The following PCDHA7 variants were observed in gnomAD, a reference collection of about 807,000 sequenced individuals.
PCDHA7 encodes protocadherin alpha 7.
In PCDHA7, 37 loss-of-function variants were observed where a neutral mutation model predicts 57.2. The ratio of observed to expected loss-of-function variants is 0.65; its 90% CI spans 0.50 to 0.85. The LOEUF is 0.85. PCDHA7 is among the 40% of genes least tolerant of loss of function. The pLI, the probability that PCDHA7 is intolerant of heterozygous loss-of-function variation, is 0.00. For missense variants in PCDHA7, 1,188 were observed against 1,241.8 expected, an observed-to-expected ratio of 0.96 and a Z score of 0.65; for synonymous variants, 553 against 558.8, an observed-to-expected ratio of 0.99 and a Z score of 0.15.
chr5:140,973,923 C>T (rs1157032594), intron 1 of PCDHA7, among the ~76,000 whole-genome samples: 1 of 152,170 alleles, frequency 6.6e-6, no homozygotes, highest in African/African-American at 2.4e-5. Flanking sequence ...TCACCAAACC[C>T]AGAGGTTTAG....
intron 1 of PCDHA7, chr5:140,858,764 G>A: frequency 4.4e-6 from 2 of 451,976 alleles, no homozygotes; most frequent in South Asian, 5.7e-5. Context: ...ACAAATATTT[G>A]TGAGATTAGT....
chr5:140,997,087 T>C (rs1218654416), intron 3 of PCDHA7, among the ~76,000 whole-genome samples: 4 of 152,156 alleles, frequency 2.6e-5, no homozygotes, highest in Non-Finnish European at 5.9e-5. Flanking sequence ...GAGTAGAAAG[T>C]GCAGAGTTCT....
intron 1 of PCDHA7, chr5:140,877,875 C>A: frequency 6.8e-7 from 1 of 1,475,090 alleles, no homozygotes; most frequent in Non-Finnish European, 9.0e-7. Context: ...TATTTGTTTC[C>A]TTGAAGAACT....
At chr5:140,870,543 C>T (rs1554164396) in intron 1 of PCDHA7, 6 of 1,614,114 alleles carry the variant, frequency 3.7e-6, no homozygotes, top group South Asian at 1.1e-5. Context: ...CGGCGCGGGA[C>T]GCGGACGCGC....
At chr5:140,927,059 G>T (rs2153586396) in intron 1 of PCDHA7, 1 of 1,611,324 alleles carries the variant, frequency 6.2e-7, no homozygotes, top group Middle Eastern at 1.7e-4. Flanking sequence ...CGGAACTTTC[G>T]CTTCCTTTCC....
rs139863676 is a variant in PCDHA7, at chr5:140,843,172, C to T, written c.2355+6434C>T. ...ATGAGCTGCAGCCAGCTGCAAGCAG[C>T]CCTCGCATCCCGTTCCGCGTGGGGC... On this transcript the variant is annotated intron_variant, in intron 1 of 3. Transcript: ENST00000525929. 15,808 of 1,596,034 alleles carry T rather than the reference C, an allele frequency of 9.9e-3. 1,621 individuals are homozygous for T. Among genetic ancestry groups the T allele is most frequent in the Non-Finnish European group, 0.012 (14,321 of 1,165,582 alleles).
At chr5:140,883,333 G>T (rs1554177722) in intron 1 of PCDHA7, 1 of 1,614,066 alleles carries the variant, frequency 6.2e-7, no homozygotes, top group Non-Finnish European at 8.5e-7. Flanking sequence ...TCACTTCTTT[G>T]TCACTCCCCA....
intron 1 of PCDHA7, among the ~76,000 whole-genome samples, chr5:140,955,351 A>G (rs246019): frequency 0.56 from 85,599 of 151,868 alleles, 24,746 homozygotes; most frequent in African/African-American, 0.69. Flanking sequence ...ACATGTTGTG[A>G]GAGGGACCCA....
At chr5:140,837,441 C>T (rs1199592642) in intron 1 of PCDHA7, among the ~76,000 whole-genome samples, 4 of 151,714 alleles carry the variant, frequency 2.6e-5, no homozygotes, top group Admixed American at 6.6e-5. Flanking sequence ...AAATCTAGTA[C>T]GTAGTAAAAA....
At chr5:140,836,835 C>T (rs1774769816) in intron 1 of PCDHA7, 97 bp downstream of exon 1, 2 of 878,888 alleles carry the variant, frequency 2.3e-6, no homozygotes, top group Non-Finnish European at 1.7e-6. Flanking sequence ...TAGTTGATAG[C>T]TTTATGTATA....
intron 1 of PCDHA7, among the ~76,000 whole-genome samples, chr5:140,919,265 T>A (rs534045587): frequency 4.3e-4 from 66 of 152,394 alleles, no homozygotes. Flanking sequence ...GATATTAGTG[T>A]AGTCACTCCA....
intron 1 of PCDHA7, chr5:140,967,561 G>T: frequency 6.2e-7 from 1 of 1,614,076 alleles, no homozygotes; most frequent in Non-Finnish European, 8.5e-7. Flanking sequence ...ATCGCGTCCA[G>T]CTACGGGAGG....
At chr5:140,969,004 T>C (rs1554231338) in intron 1 of PCDHA7, 2 of 1,614,060 alleles carry the variant, frequency 1.2e-6, no homozygotes, top group East Asian at 2.2e-5. Flanking sequence ...GAGGCTTCTG[T>C]GGAGTAAGGG....
intron 1 of PCDHA7, chr5:140,850,688 G>C: frequency 1.3e-6 from 2 of 1,598,504 alleles, no homozygotes; most frequent in Non-Finnish European, 1.7e-6. Flanking sequence ...CCGAGGGCGA[G>C]TGCGCGCCTG....
At chr5:140,840,962 C>T (rs188711112) in intron 1 of PCDHA7, among the ~76,000 whole-genome samples, 3 of 152,096 alleles carry the variant, frequency 2.0e-5, no homozygotes, top group African/African-American at 7.2e-5. Flanking sequence ...AAATTCCTTT[C>T]CTTATGAAGA....
At chr5:140,999,215 C>T (rs1290752092) in intron 3 of PCDHA7, among the ~76,000 whole-genome samples, 1 of 152,140 alleles carries the variant, frequency 6.6e-6, no homozygotes, top group South Asian at 2.1e-4. Context: ...TCTGGAAGTA[C>T]TACATTTGAG....
intron 1 of PCDHA7, chr5:140,876,536 T>C (rs782148318): frequency 1.2e-6 from 2 of 1,614,238 alleles, no homozygotes; most frequent in Non-Finnish European, 1.7e-6. Context: ...GTTACTTCAC[T>C]GTCGCTCCCT....
chr5:140,875,873 G>C (rs1554168013), intron 1 of PCDHA7: 2 of 1,614,214 alleles, frequency 1.2e-6, no homozygotes, highest in South Asian at 1.1e-5. Context: ...CCGGTGTTCA[G>C]AGAAAGGGAA....
At chr5:140,917,151 G>T (rs974449842) in intron 1 of PCDHA7, among the ~76,000 whole-genome samples, 2 of 152,160 alleles carry the variant, frequency 1.3e-5, no homozygotes, top group Non-Finnish European at 2.9e-5. Flanking sequence ...TGCTGCTGGG[G>T]GATATGGGAG....
Sources: allele counts gnomAD v4.1 joint callset (sites outside exome capture counted in the v4.1 genomes callset), GRCh38; gene constraint gnomAD v4.1.1; transcripts MANE v1.5; gene names NCBI Gene and HGNC (gene_info 2026-07-23, HGNC 2026-07-21).